Variants in MSANTD7 observed in about 807,000 individuals in gnomAD.
MSANTD7 encodes Myb/SANT DNA binding domain containing 7.
chr10:14,844,805 G>A, the MSANTD7 span: 1 of 985,206 alleles, frequency 1.0e-6, no homozygotes, highest in Non-Finnish European at 1.2e-6. Flanking sequence ...GGTTGCCATT[G>A]GAACATTGTG....
chr10:14,845,427 G>C, the MSANTD7 span: 2 of 985,258 alleles, frequency 2.0e-6, no homozygotes, highest in Non-Finnish European at 2.4e-6. Flanking sequence ...CAGTGGGAGC[G>C]TACCCAGAAC....
the MSANTD7 span, chr10:14,842,549 C>T: frequency 6.5e-7 from 1 of 1,536,178 alleles, no homozygotes. This position sits in a 1 kb window ranked among gnomAD's most constrained non-coding sequence, Gnocchi z 5.2. Context: ...TGAGCCACCA[C>T]ACTGTCCATT....
At chr10:14,839,957 C>T in the MSANTD7 span, 1 of 1,612,298 alleles carries the variant, frequency 6.2e-7, no homozygotes, top group East Asian at 2.2e-5. Flanking sequence ...GTTACTCCAG[C>T]TGTTGTTGCT....
At chr10:14,839,437 C>T in the MSANTD7 span, among the ~76,000 whole-genome samples, 2 of 151,916 alleles carry the variant, frequency 1.3e-5, no homozygotes, top group Non-Finnish European at 2.9e-5. Context: ...TAGCCGGGAA[C>T]GCCTGTAATC....
the MSANTD7 span, among the ~76,000 whole-genome samples, chr10:14,841,715 C>G: frequency 6.6e-6 from 1 of 152,196 alleles, no homozygotes; most frequent in Non-Finnish European, 1.5e-5. Context: ...AACTTAAACT[C>G]ACTTTTCTGG....
the MSANTD7 span, chr10:14,840,058 ATT>A: frequency 2.5e-6 from 3 of 1,184,150 alleles, no homozygotes; most frequent in South Asian, 1.9e-5. Flanking sequence ...ATATATATAT[ATT>A]ATTTTTTTTT....
At chr10:14,843,350 C>A in the MSANTD7 span, 2 of 1,550,634 alleles carry the variant, frequency 1.3e-6, no homozygotes, top group Non-Finnish European at 1.7e-6. Flanking sequence ...CTCTTTGCAA[C>A]ATTGTTGCTT....
At chr10:14,846,162 G>A in the MSANTD7 span, 1 of 984,404 alleles carries the variant, frequency 1.0e-6, no homozygotes. Flanking sequence ...CATTGAAATG[G>A]ATACAGCTAT....
the MSANTD7 span, chr10:14,843,310 G>A: frequency 1.9e-6 from 3 of 1,541,328 alleles, no homozygotes; most frequent in African/African-American, 1.4e-5. Context: ...CTCTGCTGCT[G>A]GCTCCAAGCA....
the MSANTD7 span, chr10:14,843,480 C>T: frequency 6.4e-7 from 1 of 1,550,516 alleles, no homozygotes; most frequent in Non-Finnish European, 8.7e-7. Flanking sequence ...CCGGGGAGCC[C>T]AGCCCCTGCA....
the MSANTD7 span, chr10:14,843,792 C>T: frequency 3.6e-5 from 55 of 1,536,168 alleles, no homozygotes; most frequent in Non-Finnish European, 4.6e-5. Context: ...ATGCTGTCAT[C>T]GCAGTCAGAC....
At chr10:14,842,275 C>T in the MSANTD7 span, 4 of 1,535,036 alleles carry the variant, frequency 2.6e-6, no homozygotes, top group Admixed American at 5.9e-5. This position sits in a 1 kb window ranked among gnomAD's most constrained non-coding sequence, Gnocchi z 5.2. Context: ...GCCCTCCTTT[C>T]CAACCCACAA....
chr10:14,842,001 C>T, the MSANTD7 span: 4 of 574,946 alleles, frequency 7.0e-6, no homozygotes, highest in Middle Eastern at 3.7e-4. The surrounding 1 kb of genome is among the most constrained non-coding windows in gnomAD (Gnocchi z 5.2). Context: ...CCTGGGTGAA[C>T]TCCCAAAGTT....
the MSANTD7 span, among the ~76,000 whole-genome samples, chr10:14,841,478 A>T: frequency 6.6e-6 from 1 of 152,284 alleles, no homozygotes; most frequent in South Asian, 2.1e-4. Context: ...TGCTGGATTC[A>T]CCACCTCTCC....
chr10:14,840,433 A>AT, the MSANTD7 span, among the ~76,000 whole-genome samples: 1 of 151,910 alleles, frequency 6.6e-6, no homozygotes, highest in African/African-American at 2.4e-5. Flanking sequence ...ACATTTTTAG[A>AT]TTTTTTTTAA....
At chr10:14,842,049 C>G in the MSANTD7 span, 1 of 972,190 alleles carries the variant, frequency 1.0e-6, no homozygotes, top group Non-Finnish European at 1.5e-6. The surrounding 1 kb of genome is among the most constrained non-coding windows in gnomAD (Gnocchi z 5.2). Flanking sequence ...TGTTTATGAC[C>G]TACTCACAGG....
At chr10:14,843,293 G>A in the MSANTD7 span, 1 of 1,514,862 alleles carries the variant, frequency 6.6e-7, no homozygotes, top group Non-Finnish European at 8.9e-7. Context: ...TTTATAATTT[G>A]TCTCAGCTCT....
chr10:14,842,360 G>A, the MSANTD7 span: 1 of 1,536,146 alleles, frequency 6.5e-7, no homozygotes, highest in Non-Finnish European at 8.7e-7. The surrounding 1 kb of genome is among the most constrained non-coding windows in gnomAD (Gnocchi z 5.2). Context: ...CATACTAGGC[G>A]AGGCAGAGTA....
At chr10:14,842,428 G>A in the MSANTD7 span, 115 of 1,536,054 alleles carry the variant, frequency 7.5e-5, no homozygotes, top group Non-Finnish European at 9.0e-5. The surrounding 1 kb of genome is among the most constrained non-coding windows in gnomAD (Gnocchi z 5.2). Flanking sequence ...CTGTGTCTAA[G>A]CGAATGCAGC....
Sources: allele counts gnomAD v4.1 joint callset (sites outside exome capture counted in the v4.1 genomes callset), GRCh38; gene constraint gnomAD v4.1.1; non-coding constraint Gnocchi (gnomAD v3.1); transcripts MANE v1.5; gene names NCBI Gene and HGNC (gene_info 2026-07-23, HGNC 2026-07-21).